The following GABRB1 variants were observed in gnomAD, a reference collection of about 807,000 sequenced individuals.
The protein encoded by GABRB1 is gamma-aminobutyric acid type A receptor subunit beta1, also known as gamma-aminobutyric acid receptor subunit beta-1.
A neutral mutation model predicts 51.6 loss-of-function variants in GABRB1; 17 were observed. The ratio of observed to expected loss-of-function variants is 0.33; its 90% CI spans 0.23 to 0.49. The LOEUF (loss-of-function observed/expected upper bound fraction) is 0.49, where lower values mean the gene tolerates loss of function less well. Ranked by LOEUF, GABRB1 falls within the 20% of genes least tolerant of loss-of-function variation. The probability of loss-of-function intolerance (pLI) is 0.99; values close to 1 mark genes in which losing one functional copy is unlikely to be tolerated. For missense variants in GABRB1, 410 were observed against 600.6 expected (o/e 0.68, Z 3.32); for synonymous variants, 247 against 218.9 (o/e 1.13, Z -1.14).
chr4:47,162,186 T>C (rs1184008657), intron 4 of GABRB1, among the ~76,000 whole-genome samples: 1 of 152,090 alleles, frequency 6.6e-6, no homozygotes, highest in African/African-American at 2.4e-5. Context: ...TTGAGTCTAT[T>C]GATAGCCACA....
At chr4:47,299,173 A>C (rs367575030) in intron 4 of GABRB1, among the ~76,000 whole-genome samples, 2 of 152,158 alleles carry the variant, frequency 1.3e-5, no homozygotes, top group Non-Finnish European at 2.9e-5. Flanking sequence ...CAGGACATAG[A>C]CATGGGCAAG....
At chr4:47,265,578 A>G (rs1187572585) in intron 4 of GABRB1, among the ~76,000 whole-genome samples, 5 of 152,194 alleles carry the variant, frequency 3.3e-5, no homozygotes, top group African/African-American at 1.2e-4. Flanking sequence ...AAGTGCTCTC[A>G]TTTCTCCACA....
intron 3 of GABRB1, among the ~76,000 whole-genome samples, chr4:47,136,806 A>AT: frequency 6.6e-6 from 1 of 152,160 alleles, no homozygotes; most frequent in Non-Finnish European, 1.5e-5. Flanking sequence ...AAACTAAAAC[A>AT]CTACATTTAT....
At chr4:47,288,272 G>A (rs200211720) in intron 4 of GABRB1, among the ~76,000 whole-genome samples, 17 of 137,714 alleles carry the variant, frequency 1.2e-4, no homozygotes, top group Non-Finnish European at 1.7e-4. Flanking sequence ...TATTATTATT[G>A]TTATTATTAA....
At chr4:46,996,550 A>T (rs1256930717) in intron 1 of GABRB1, among the ~76,000 whole-genome samples, 1 of 152,192 alleles carries the variant, frequency 6.6e-6, no homozygotes, top group Non-Finnish European at 1.5e-5. Flanking sequence ...TTTATCTCTC[A>T]TCAAGTTCTT....
chr4:46,995,365 T>C (rs923637601), intron 1 of GABRB1, among the ~76,000 whole-genome samples: 1 of 152,192 alleles, frequency 6.6e-6, no homozygotes, highest in Admixed American at 6.5e-5. Context: ...CTTAATACTT[T>C]CCTACCTTTT....
chr4:47,234,712 C>T (rs1298347679), intron 4 of GABRB1, among the ~76,000 whole-genome samples: 1 of 152,126 alleles, frequency 6.6e-6, no homozygotes, highest in Admixed American at 6.5e-5. Flanking sequence ...AAAATTCTCC[C>T]TTCACTCTAT....
At chr4:47,363,844 C>T (rs528796893) in intron 5 of GABRB1, among the ~76,000 whole-genome samples, 1 of 152,204 alleles carries the variant, frequency 6.6e-6, no homozygotes, top group South Asian at 2.1e-4. Flanking sequence ...CTGGGATGTA[C>T]TGAATAAACA....
chr4:47,016,349 C>A (rs1336822210), intron 1 of GABRB1, among the ~76,000 whole-genome samples: 1 of 152,086 alleles, frequency 6.6e-6, no homozygotes, highest in Admixed American at 6.6e-5. Flanking sequence ...ATTCTATTAT[C>A]TTTTTCTTTC....
chr4:47,032,778 G>A (rs557106172), intron 3 of GABRB1: 5 of 612,328 alleles, frequency 8.2e-6, no homozygotes, highest in Non-Finnish European at 1.6e-5. Flanking sequence ...CTTTAGCTGG[G>A]TTTCCCTGCG....
At position 47,198,086 on chromosome 4, in the gene GABRB1, T is replaced by G. The variant is rs531474863; in HGVS notation, c.461+36617T>G. ...AGGTATATTGCCTGGCAGCAGCATG[T>G]TCAAGGAAGTGCTCCATAAACCGAT... is the stretch of plus-strand genomic sequence containing the variant. On this transcript the variant is annotated intron_variant, in intron 4 of 8. Transcript: ENST00000295454. Among the ~76,000 whole-genome samples the G allele has an allele frequency of 2.0e-5, 3 of 152,222 alleles. No homozygotes were observed. The East Asian group carries it at 5.8e-4, about 29-fold the overall frequency.
chr4:47,214,682 G>A (rs567719762), intron 4 of GABRB1, among the ~76,000 whole-genome samples: 14 of 152,036 alleles, frequency 9.2e-5, no homozygotes, highest in East Asian at 5.8e-4. Context: ...ATTATCAATC[G>A]AAAAATGCTT....
intron 5 of GABRB1, among the ~76,000 whole-genome samples, chr4:47,402,801 G>C (rs751429423): frequency 7.9e-5 from 12 of 152,094 alleles, no homozygotes; most frequent in Non-Finnish European, 1.3e-4. Context: ...ATTAATAAAA[G>C]CTTGCCAAAT....
chr4:47,281,541 TGG>T (rs1723294148), intron 4 of GABRB1, among the ~76,000 whole-genome samples: 1 of 152,182 alleles, frequency 6.6e-6, no homozygotes, highest in Admixed American at 6.5e-5. Flanking sequence ...ACCTCATTTC[TGG>T]ATATATATCC....
At chr4:47,209,429 A>T (rs1382014668) in intron 4 of GABRB1, among the ~76,000 whole-genome samples, 1 of 152,148 alleles carries the variant, frequency 6.6e-6, no homozygotes, top group Non-Finnish European at 1.5e-5. Flanking sequence ...TTAGACTCAA[A>T]TTTGATTCTA....
chr4:47,304,914 T>C (rs976182121), intron 4 of GABRB1, among the ~76,000 whole-genome samples: 3 of 152,076 alleles, frequency 2.0e-5, no homozygotes, highest in Non-Finnish European at 4.4e-5. Flanking sequence ...GAATACTTCC[T>C]TTTCTCATAG....
At chr4:47,081,940 C>G (rs1006503673) in intron 3 of GABRB1, among the ~76,000 whole-genome samples, 6 of 151,984 alleles carry the variant, frequency 3.9e-5, no homozygotes, top group African/African-American at 1.4e-4. Flanking sequence ...TTTCATAAAA[C>G]AGAGATGGAA....
intron 5 of GABRB1, among the ~76,000 whole-genome samples, chr4:47,382,119 T>C (rs1727619310): frequency 1.3e-5 from 2 of 152,222 alleles, no homozygotes; most frequent in African/African-American, 2.4e-5. Context: ...GGTATAATTA[T>C]GCACCACATG....
At chr4:47,007,189 A>C (rs949037804) in intron 1 of GABRB1, among the ~76,000 whole-genome samples, 1 of 152,160 alleles carries the variant, frequency 6.6e-6, no homozygotes, top group South Asian at 2.1e-4. Flanking sequence ...TTTAAATGTA[A>C]AGACAGAAAA....
Sources: gnomAD v4.1 joint callset for allele counts (sites outside exome capture counted in the v4.1 genomes callset) on GRCh38, gnomAD v4.1.1 for gene constraint, MANE v1.5 for transcripts, NCBI Gene and HGNC (gene_info 2026-07-23, HGNC 2026-07-21) for gene names.